GNPDA2: variants seen among roughly 807,000 people sequenced by gnomAD.
GNPDA2 encodes the protein glucosamine-6-phosphate deaminase 2.
In GNPDA2, 24 loss-of-function variants were observed where a neutral mutation model predicts 27.0. The observed-to-expected ratio is 0.89, with a 90% CI of 0.64 to 1.25. GNPDA2 has a LOEUF of 1.25. Ranked by LOEUF, GNPDA2 falls within the 50% of genes most tolerant of loss-of-function variation. The pLI is 0.00. For missense variants in GNPDA2, 286 were observed against 335.1 expected (o/e 0.85, Z 1.14); for synonymous variants, 94 against 108.4 (o/e 0.87, Z 0.83).
chr4:44,707,078 G>A (rs896563797), intron 6 of GNPDA2: 1 of 151,958 alleles, frequency 6.6e-6, no homozygotes, highest in South Asian at 2.1e-4. Context: ...ATTGGGTATA[G>A]GCAAAATGTC....
chr4:44,705,671 A>G (rs1034953916), intron 6 of GNPDA2: 5 of 158,476 alleles, frequency 3.2e-5, no homozygotes, highest in African/African-American at 1.2e-4. Context: ...TGTAGATGGT[A>G]TCATACCTAG....
chr4:44,721,971 T>G, intron 2 of GNPDA2, 113 bp downstream of exon 2: 1 of 776,790 alleles, frequency 1.3e-6, no homozygotes, highest in Non-Finnish European at 2.1e-6. Context: ...GATGTTCAAT[T>G]AGTGACATGC....
At position 44,703,647 on chromosome 4, in the gene GNPDA2, T is replaced by A. The variant is rs558241112; in HGVS notation, c.770-505A>T. 3.0e-6 allele frequency: 3 copies of A among 984,034 alleles called. No individual in the cohort carries two copies. The East Asian group carries it at 3.4e-4, about 112-fold the overall frequency. 61.0% of individuals were successfully genotyped at this position (984,034 alleles called of 1,614,324 possible). On this transcript the variant is annotated intron_variant, in intron 6 of 6. Transcript: ENST00000295448. ...CAAAGGTTGATTACAAATTCTACAC[T>A]GAGGGAGGGTTACTAAAACAAGACA...
chr4:44,703,652 G>A, intron 6 of GNPDA2: 3 of 983,900 alleles, frequency 3.0e-6, no homozygotes, highest in Non-Finnish European at 3.6e-6. Flanking sequence ...TACACTGAGG[G>A]AGGGTTACTA....
intron 4 of GNPDA2, among the ~76,000 whole-genome samples, chr4:44,711,659 G>A (rs1430834049): frequency 6.6e-6 from 1 of 151,726 alleles, no homozygotes; most frequent in African/African-American, 2.4e-5. Flanking sequence ...GTCCAGATAG[G>A]GCAATTAACT....
At chr4:44,726,347 G>C (rs1044805268) in intron 1 of GNPDA2, 127 bp downstream of exon 1, 2 of 152,354 alleles carry the variant, frequency 1.3e-5, no homozygotes, top group Non-Finnish European at 2.9e-5. Flanking sequence ...AGGTTCCTGA[G>C]CACCCATTCC....
rs1716354256 is a variant in GNPDA2, at chr4:44,702,763, T to G, written c.*318A>C. 2 of 1,136,518 alleles carry G rather than the reference T, an allele frequency of 1.8e-6. No individual in the cohort carries two copies. Among genetic ancestry groups the G allele is most frequent in the South Asian group, 5.1e-5 (2 of 39,450 alleles). 70.4% of individuals were successfully genotyped at this position (1,136,518 alleles called of 1,614,324 possible). ...TACGCCACTGGAGTCATATCACAAA[T>G]GGTGCCTGATGTGGACACTCTACCT... On this transcript the variant is annotated 3_prime_UTR_variant, in exon 7 of 7. Coordinates refer to ENST00000295448, the MANE Select transcript of GNPDA2 (RefSeq NM_138335.3).
At chr4:44,723,703 C>T (rs899630791) in intron 1 of GNPDA2, among the ~76,000 whole-genome samples, 23 of 152,048 alleles carry the variant, frequency 1.5e-4, no homozygotes, top group African/African-American at 5.6e-4. Flanking sequence ...TGTGAGGTGT[C>T]CAGTTCCTTG....
rs1716540280 is a variant in GNPDA2, at chr4:44,705,492, C to G, written c.769+2260G>C. ...GTGCAGCTATCCTCTCACGAATGGT[C>G]TGTTTCAAAATTTTTCAGAAGAGCT... On this transcript the variant is annotated intron_variant, in intron 6 of 6. Coordinates refer to ENST00000295448, the MANE Select transcript of GNPDA2 (RefSeq NM_138335.3). 9 of 984,914 alleles carry G rather than the reference C, an allele frequency of 9.1e-6. No homozygotes were observed. The South Asian group carries it at 4.2e-4, about 46-fold the overall frequency. The allele number at this position is 984,914 out of a possible 1,614,324, so 61.0% of individuals were successfully genotyped here. A position where few individuals can be genotyped will look rare whatever the true frequency, so the allele number is the denominator to read the frequency against.
At position 44,711,072 on chromosome 4, in the gene GNPDA2, A is replaced by T. The variant is rs749581413; in HGVS notation, c.475T>A (p.Leu159Ile). 1.4e-5 allele frequency: 23 copies of T among 1,612,972 alleles called. No individual in the cohort carries two copies. In the South Asian group the frequency reaches 1.7e-4, roughly 12 times the overall value. ...ATGGTATCCATTGCTAGAGTCTTTA[A>T]TCTTGTCCTTGACACTAAACTGGAT... ...PGSSLVSRTR[L>I]KTLAMDTILA... The change falls in exon 5 of 7, where the codon TTA becomes ATA. Residue 159 changes from leucine to isoleucine, a missense_variant. Leu to Ile is a conservative substitution (Grantham distance 5, BLOSUM62 2). Coordinates refer to ENST00000295448, the MANE Select transcript of GNPDA2 (RefSeq NM_138335.3).
At chr4:44,705,141 T>A in intron 6 of GNPDA2, 2 of 985,000 alleles carry the variant, frequency 2.0e-6, no homozygotes, top group Non-Finnish European at 2.4e-6. Context: ...TTTTTAGTGA[T>A]GACAGAAGAA....
At chr4:44,705,033 T>A in intron 6 of GNPDA2, 7 of 980,626 alleles carry the variant, frequency 7.1e-6, no homozygotes, top group Non-Finnish European at 8.5e-6. Flanking sequence ...TATATTGAAA[T>A]AAACTTGCAT....
chr4:44,704,206 C>T, intron 6 of GNPDA2: 1 of 984,588 alleles, frequency 1.0e-6, no homozygotes, highest in Non-Finnish European at 1.2e-6. Flanking sequence ...GGGAAGCATT[C>T]CATTCACTAG....
chr4:44,704,169 A>G, intron 6 of GNPDA2: 1 of 984,952 alleles, frequency 1.0e-6, no homozygotes, highest in South Asian at 4.7e-5. Context: ...TTCTAACCAT[A>G]AGAATGGGAC....
At chr4:44,725,132 AC>A (rs1053777433) in intron 1 of GNPDA2, among the ~76,000 whole-genome samples, 5 of 105,650 alleles carry the variant, frequency 4.7e-5, no homozygotes, top group African/African-American at 1.4e-4. Context: ...ACGTTTGAAG[AC>A]CTATTATATT....
chr4:44,726,338 G>A (rs377413822), intron 1 of GNPDA2, 136 bp downstream of exon 1: 11 of 152,328 alleles, frequency 7.2e-5, no homozygotes, highest in African/African-American at 2.7e-4. Context: ...CCAGCCTCGA[G>A]GTTCCTGAGC....
chr4:44,702,170 T>C lies in GNPDA2; in HGVS notation c.*911A>G. ...TTTAGATAACTTATTTATTACACGC[T>C]TTATTTGAGTTAAAGATAAAAAACA... On this transcript the variant is annotated 3_prime_UTR_variant, in exon 7 of 7. Transcript: ENST00000295448. 1 of 891,722 alleles carries C rather than the reference T, an allele frequency of 1.1e-6. No homozygotes were observed. The highest frequency in any genetic ancestry group is 1.3e-6 in the Non-Finnish European group (1 of 749,226). The allele number at this position is 891,722 out of a possible 1,614,324, so 55.2% of individuals were successfully genotyped here.
At position 44,701,800 on chromosome 4, in the gene GNPDA2, C is replaced by T; in HGVS notation, c.*1281G>A. The T allele has an allele frequency of 1.0e-6, 1 of 982,646 alleles. No individual in the cohort carries two copies. Among genetic ancestry groups the T allele is most frequent in the Non-Finnish European group, 1.2e-6 (1 of 827,448 alleles). The allele number at this position is 982,646 out of a possible 1,614,324, so 60.9% of individuals were successfully genotyped here. A position where few individuals can be genotyped will look rare whatever the true frequency, so the allele number is the denominator to read the frequency against. On this transcript the variant is annotated 3_prime_UTR_variant, in exon 7 of 7. Transcript: ENST00000295448. ...AAAAACATTTATAAGGCTATTAAAA[C>T]ATCATCTGGAATTAAAGCAGCATAA...
Position 44,702,455 on chromosome 4 carries a change from A to T in GNPDA2, c.*626T>A. The T allele has an allele frequency of 1.0e-6, 1 of 977,872 alleles. No homozygotes were observed. Among genetic ancestry groups the T allele is most frequent in the African/African-American group, 1.8e-5 (1 of 57,118 alleles). 60.6% of individuals were successfully genotyped at this position (977,872 alleles called of 1,614,324 possible). ...TAAGATATTTGTAAAAAAGTGCTAT[A>T]GAAGAAGGTGCACAAAAAACATGCA... On this transcript the variant is annotated 3_prime_UTR_variant, in exon 7 of 7. Coordinates refer to ENST00000295448, the MANE Select transcript of GNPDA2 (RefSeq NM_138335.3).
Sources: gnomAD v4.1 joint callset for allele counts (sites outside exome capture counted in the v4.1 genomes callset) on GRCh38, gnomAD v4.1.1 for gene constraint, MANE v1.5 for transcripts, NCBI Gene and HGNC (gene_info 2026-07-23, HGNC 2026-07-21) for gene names.